Variants in AUTS2 observed in about 807,000 individuals in gnomAD.
AUTS2 encodes the protein activator of transcription and developmental regulator AUTS2, also known as autism susceptibility gene 2 protein.
Under a neutral mutation model 112.4 loss-of-function variants are expected in AUTS2, and 17 were observed. The ratio of observed to expected loss-of-function variants is 0.15; its 90% CI spans 0.10 to 0.23. AUTS2 has a LOEUF of 0.23. AUTS2 is among the 10% of genes least tolerant of loss of function. The pLI is 1.00. For missense variants in AUTS2, 1,510 were observed against 1,701.6 expected (o/e 0.89, Z 1.98); for synonymous variants, 751 against 702.7 (o/e 1.07, Z -1.09).
At chr7:69,957,044 T>G (rs1439378183) in intron 2 of AUTS2, among the ~76,000 whole-genome samples, 1 of 151,070 alleles carries the variant, frequency 6.6e-6, no homozygotes, top group Non-Finnish European at 1.5e-5. Context: ...TTTCTTTTTG[T>G]TCTTTCTTTT....
At chr7:69,976,669 G>A (rs1798072327) in intron 2 of AUTS2, among the ~76,000 whole-genome samples, 1 of 152,152 alleles carries the variant, frequency 6.6e-6, no homozygotes, top group Non-Finnish European at 1.5e-5. Context: ...AATCTCAATA[G>A]ATCTGAGGGG....
intron 2 of AUTS2, among the ~76,000 whole-genome samples, chr7:70,109,402 T>C (rs1223026450): frequency 2.0e-5 from 3 of 152,214 alleles, no homozygotes; most frequent in African/African-American, 7.2e-5. Context: ...ATTTAGTCCA[T>C]GGTTATACTC....
Position 70,183,949 on chromosome 7 carries a change from G to A in AUTS2, c.660+49378G>A, listed in dbSNP as rs78423487. ...TACAGCTGAAAGAATTGAATGTAAA[G>A]AAGGAAGTTTAATAGAACATATAAT... On this transcript the variant is annotated intron_variant, in intron 4 of 18. Coordinates refer to ENST00000342771, the MANE Select transcript of AUTS2 (RefSeq NM_015570.4). 8.9e-3 allele frequency among the ~76,000 whole-genome samples: 1,351 copies of A among 151,330 alleles called. 16 individuals are homozygous for A. Among genetic ancestry groups the A allele is most frequent in the Non-Finnish European group, 0.012 (849 of 67,932 alleles).
intron 4 of AUTS2, among the ~76,000 whole-genome samples, chr7:70,417,114 G>A (rs1264761231): frequency 2.0e-5 from 3 of 152,168 alleles, no homozygotes; most frequent in Non-Finnish European, 4.4e-5. Context: ...GACAGACTCC[G>A]AGATGGCAAT....
At chr7:70,692,612 T>G (rs968774959) in intron 5 of AUTS2, among the ~76,000 whole-genome samples, 1 of 152,162 alleles carries the variant, frequency 6.6e-6, no homozygotes, top group Admixed American at 6.5e-5. Flanking sequence ...GAAAAATCAC[T>G]GTTACCTATA....
chr7:70,171,911 G>GC (rs1033809200), intron 4 of AUTS2, among the ~76,000 whole-genome samples: 1 of 151,396 alleles, frequency 6.6e-6, no homozygotes, highest in African/African-American at 2.4e-5. Context: ...TTTTTGGGGG[G>GC]GGGTAGTTTT....
At chr7:70,246,775 A>G (rs1459193394) in intron 4 of AUTS2, among the ~76,000 whole-genome samples, 1 of 152,054 alleles carries the variant, frequency 6.6e-6, no homozygotes, top group Non-Finnish European at 1.5e-5. Flanking sequence ...TTTATTGGAT[A>G]ATTTAGAAGG....
chr7:69,614,346 T>TTC (rs1040037133), intron 1 of AUTS2, among the ~76,000 whole-genome samples: 1 of 77,624 alleles, frequency 1.3e-5, no homozygotes, highest in Non-Finnish European at 2.9e-5. Flanking sequence ...CTTTCTTTCT[T>TTC]TCTTTCTTTC....
intron 4 of AUTS2, among the ~76,000 whole-genome samples, chr7:70,192,664 C>T (rs1434472402): frequency 6.6e-6 from 1 of 152,148 alleles, no homozygotes; most frequent in Non-Finnish European, 1.5e-5. Context: ...CCTGTGTAAA[C>T]TCTCACTTTC....
intron 2 of AUTS2, among the ~76,000 whole-genome samples, chr7:70,057,282 A>G (rs1373403542): frequency 6.6e-6 from 1 of 152,154 alleles, no homozygotes; most frequent in Non-Finnish European, 1.5e-5. Context: ...GTTTACCAGG[A>G]AACATTCAAA....
chr7:70,166,920 T>C (rs1339912234), intron 4 of AUTS2, among the ~76,000 whole-genome samples: 4 of 152,158 alleles, frequency 2.6e-5, no homozygotes, highest in Non-Finnish European at 5.9e-5. Context: ...TGGAAAACAG[T>C]ATGTCATGCA....
chr7:69,808,915 C>T (rs1426292702), intron 1 of AUTS2, among the ~76,000 whole-genome samples: 2 of 152,086 alleles, frequency 1.3e-5, no homozygotes, highest in African/African-American at 4.8e-5. Context: ...AATCATTTGC[C>T]TTCTGGAGCC....
intron 5 of AUTS2, among the ~76,000 whole-genome samples, chr7:70,504,671 T>C (rs1374613654): frequency 6.6e-6 from 1 of 152,206 alleles, no homozygotes; most frequent in Admixed American, 6.5e-5. Flanking sequence ...TCTAATGTTT[T>C]CCTCTCGAAA....
At chr7:70,310,476 G>A (rs1789693928) in intron 4 of AUTS2, among the ~76,000 whole-genome samples, 2 of 152,126 alleles carry the variant, frequency 1.3e-5, no homozygotes, top group South Asian at 4.1e-4. Context: ...AGCTGGGCGT[G>A]GTGGTGGGCG....
At chr7:69,995,959 G>T (rs759331171) in intron 2 of AUTS2, among the ~76,000 whole-genome samples, 1 of 152,040 alleles carries the variant, frequency 6.6e-6, no homozygotes, top group Non-Finnish European at 1.5e-5. Context: ...AATGCGAGTC[G>T]GCAGCCCACT....
At chr7:70,771,398 G>C in intron 10 of AUTS2, 151 bp from the exon 11 acceptor site, 1 of 554,692 alleles carries the variant, frequency 1.8e-6, no homozygotes, top group Non-Finnish European at 3.1e-6. Context: ...GCACGTCTGT[G>C]TGATCATTCC....
intron 5 of AUTS2, among the ~76,000 whole-genome samples, chr7:70,539,964 C>T (rs1475260038): frequency 6.6e-6 from 1 of 152,220 alleles, no homozygotes; most frequent in Non-Finnish European, 1.5e-5. Context: ...GGTTTCCACT[C>T]ATCCAGCCCT....
At chr7:70,071,542 A>C (rs1408558224) in intron 2 of AUTS2, among the ~76,000 whole-genome samples, 8 of 152,176 alleles carry the variant, frequency 5.3e-5, no homozygotes, top group African/African-American at 1.9e-4. Flanking sequence ...GTGGGGAAAA[A>C]AATGGATTCT....
At chr7:70,174,135 G>C (rs1808858991) in intron 4 of AUTS2, among the ~76,000 whole-genome samples, 2 of 152,202 alleles carry the variant, frequency 1.3e-5, no homozygotes, top group Non-Finnish European at 1.5e-5. Flanking sequence ...GAAATAATAG[G>C]TGCTACTCCA....
Sources: allele counts gnomAD v4.1 joint callset (sites outside exome capture counted in the v4.1 genomes callset), GRCh38; gene constraint gnomAD v4.1.1; transcripts MANE v1.5; gene names NCBI Gene and HGNC (gene_info 2026-07-23, HGNC 2026-07-21).